Variants in NFIX observed in about 807,000 individuals in gnomAD.
The protein encoded by NFIX is nuclear factor 1 X-type.
Under a neutral mutation model 53.3 loss-of-function variants are expected in NFIX, and 2 were observed. The observed-to-expected ratio is 0.04, with a 90% CI of 0.02 to 0.12. The LOEUF is 0.12. Ranked by LOEUF, NFIX falls within the 10% of genes least tolerant of loss-of-function variation. The probability of loss-of-function intolerance (pLI) is 1.00; values close to 1 mark genes in which losing one functional copy is unlikely to be tolerated. For missense variants in NFIX, 310 were observed against 674.5 expected (o/e 0.46, Z 5.99); for synonymous variants, 244 against 289.0 (o/e 0.84, Z 1.58).
chr19:13,087,628 A>G (rs776745375), intron 8 of NFIX, among the ~76,000 whole-genome samples: 28 of 151,884 alleles, frequency 1.8e-4, no homozygotes, highest in Non-Finnish European at 3.7e-4. Flanking sequence ...GCTGTAGGAG[A>G]TGGTCTTCAG....
chr19:13,047,655 T>G (rs919843225), intron 2 of NFIX, among the ~76,000 whole-genome samples: 3 of 151,976 alleles, frequency 2.0e-5, no homozygotes, highest in African/African-American at 4.8e-5. Flanking sequence ...TTGCTCAGGG[T>G]GAGGAGTGTG....
chr19:13,090,333 G>A lies in NFIX; in HGVS notation c.1437G>A (p.Arg479=). The A allele has an allele frequency of 6.2e-7, 1 of 1,613,966 alleles. No homozygotes were observed. The highest frequency in any genetic ancestry group is 8.5e-7 in the Non-Finnish European group (1 of 1,179,880). ...FATTGASSAN[R]FVSIGPRDGN... ...CGACAGGCGCCTCCTCTGCCAACCGGTTTGTCAGCATCGGACCCCGGGACG... is the reference window on the plus strand; with the variant it reads ...CGACAGGCGCCTCCTCTGCCAACCGATTTGTCAGCATCGGACCCCGGGACG... The change falls in exon 10 of 11, where the codon CGG becomes CGA. Residue 479 remains arginine (R), a synonymous_variant. Coordinates refer to ENST00000592199, the MANE Select transcript of NFIX (RefSeq NM_001365902.3). The surrounding 1 kb of genome is among the most constrained non-coding windows in gnomAD (Gnocchi z 6.6).
intron 1 of NFIX, among the ~76,000 whole-genome samples, chr19:13,018,335 CGG>C (rs59494074): frequency 0.14 from 1,565 of 11,232 alleles, 148 homozygotes; most frequent in African/African-American, 0.25. Flanking sequence ...AAGGAAGGGG[CGG>C]GGGGGGGGGG....
chr19:13,026,623 C>A (rs2013372219), intron 2 of NFIX, among the ~76,000 whole-genome samples: 2 of 152,150 alleles, frequency 1.3e-5, no homozygotes, highest in African/African-American at 2.4e-5. Context: ...CAATTTACTG[C>A]CGCCTTTGAA....
chr19:13,020,955 C>T (rs1177608702), intron 1 of NFIX, among the ~76,000 whole-genome samples: 1 of 152,100 alleles, frequency 6.6e-6, no homozygotes, highest in East Asian at 1.9e-4. Context: ...TACTGTGGCA[C>T]TGTGGTCTGT....
chr19:13,097,335 C>G lies in NFIX; in HGVS notation c.*2686C>G, dbSNP rs2018523598. 6.6e-6 allele frequency: 1 copy of G among 151,924 alleles called. No individual in the cohort carries two copies. Among genetic ancestry groups the G allele is most frequent in the African/African-American group, 2.4e-5 (1 of 41,210 alleles). 9.4% of individuals were successfully genotyped at this position (151,924 alleles called of 1,614,324 possible). On this transcript the variant is annotated 3_prime_UTR_variant, in exon 11 of 11. Coordinates refer to ENST00000592199, the MANE Select transcript of NFIX (RefSeq NM_001365902.3). ...AAAAACACCTCGACATTTAAAAAATCAACCAACACAAGATCAAAAAGGAAA... is the reference window on the plus strand; with the variant it reads ...AAAAACACCTCGACATTTAAAAAATGAACCAACACAAGATCAAAAAGGAAA...
rs2018537724 is a variant in NFIX, at chr19:13,097,636, C to CG, written c.*2990dup. On this transcript the variant is annotated 3_prime_UTR_variant, in exon 11 of 11. Transcript: ENST00000592199. The stretch of plus-strand genomic sequence containing the variant: ...CACCCCTCCTCGCCCCATCCCCGTC[C>CG]GGGTACGGGGGCGCGGCAGGGGTCC... 6.6e-6 allele frequency: 1 copy of CG among 152,158 alleles called. No individual in the cohort carries two copies. The highest frequency in any genetic ancestry group is 1.5e-5 in the Non-Finnish European group (1 of 67,952). 9.4% of individuals were successfully genotyped at this position (152,158 alleles called of 1,614,324 possible). A position where few individuals can be genotyped will look rare whatever the true frequency, so the allele number is the denominator to read the frequency against.
In NFIX at chr19:13,094,166, G is replaced by A. The variant is rs2018304966; in HGVS notation, c.1495-469G>A. On this transcript the variant is annotated intron_variant, in intron 10 of 10. Transcript: ENST00000592199. The surrounding 1 kb of genome is among the most constrained non-coding windows in gnomAD (Gnocchi z 4.3). ...GGGACCTTGGCTGGGGTATATAGAT[G>A]GGAATTTCTGCTTTTAATCCAAAGA... 6.6e-6 allele frequency among the ~76,000 whole-genome samples: 1 copy of A among 152,130 alleles called. No homozygotes were observed. Among genetic ancestry groups the A allele is most frequent in the Non-Finnish European group, 1.5e-5 (1 of 68,030 alleles).
At chr19:13,050,058 C>T (rs544871836) in intron 2 of NFIX, among the ~76,000 whole-genome samples, 126 of 152,270 alleles carry the variant, frequency 8.3e-4, no homozygotes, top group Middle Eastern at 3.4e-3. Flanking sequence ...TTTGGATTCT[C>T]TAGGGTATAT....
At position 13,006,762 on chromosome 19, in the gene NFIX, C is replaced by A. The variant is rs985245415; in HGVS notation, c.27+10898C>A. Among the ~76,000 whole-genome samples, 2 of 152,246 alleles carry A rather than the reference C, an allele frequency of 1.3e-5. No homozygotes were observed. Among genetic ancestry groups the A allele is most frequent in the Non-Finnish European group, 2.9e-5 (2 of 68,030 alleles). ...CCAGGGCCCCAGATTCTCTCCACCCCCAAAGCTCCAGGCTTGAGAGCTCTG... is the reference window on the plus strand; with the variant it reads ...CCAGGGCCCCAGATTCTCTCCACCCACAAAGCTCCAGGCTTGAGAGCTCTG... On this transcript the variant is annotated intron_variant, in intron 1 of 10. Coordinates refer to ENST00000592199, the MANE Select transcript of NFIX (RefSeq NM_001365902.3). This position sits in a 1 kb window ranked among gnomAD's most constrained non-coding sequence, Gnocchi z 5.6.
chr19:13,084,624 A>C (rs2017664077), intron 8 of NFIX, among the ~76,000 whole-genome samples: 1 of 152,146 alleles, frequency 6.6e-6, no homozygotes, highest in African/African-American at 2.4e-5. Context: ...GCTGTGTTTC[A>C]GGGAGAAGGA....
chr19:13,058,606 T>C (rs1036518355), intron 2 of NFIX, among the ~76,000 whole-genome samples: 3 of 149,676 alleles, frequency 2.0e-5, no homozygotes, highest in South Asian at 2.1e-4. Flanking sequence ...GCTAGGAGGG[T>C]CCTTAAGCCC....
At chr19:13,038,755 G>C (rs2014393968) in intron 2 of NFIX, among the ~76,000 whole-genome samples, 1 of 152,212 alleles carries the variant, frequency 6.6e-6, no homozygotes, top group African/African-American at 2.4e-5. Context: ...CATCGTTTCT[G>C]CTGGCCTCGG....
chr19:13,090,173 G>A lies in NFIX; in HGVS notation c.1403-126G>A, dbSNP rs1341216781. ...GCCCCTCTGGCCCATCCTTCCCACT[G>A]CCAGCCTAAACTCGGGCAGCATGGT... On this transcript the variant is annotated intron_variant, in intron 9 of 10. Transcript: ENST00000592199. This position sits in a 1 kb window ranked among gnomAD's most constrained non-coding sequence, Gnocchi z 6.6. 1 of 890,448 alleles carries A rather than the reference G, an allele frequency of 1.1e-6. No individual in the cohort carries two copies. The highest frequency in any genetic ancestry group is 2.5e-5 in the East Asian group (1 of 40,536). The allele number at this position is 890,448 out of a possible 1,614,324, so 55.2% of individuals were successfully genotyped here.
rs985487376 is a variant in NFIX at position 13,093,422 on chromosome 19, T to C, written c.1495-1213T>C. On this transcript the variant is annotated intron_variant, in intron 10 of 10. Coordinates refer to ENST00000592199, the MANE Select transcript of NFIX (RefSeq NM_001365902.3). The surrounding 1 kb of genome is among the most constrained non-coding windows in gnomAD (Gnocchi z 4.7). The stretch of plus-strand genomic sequence containing the variant: ...TCTTTTGAAAAGTTGGCAGATGAGC[T>C]GCCCTGGGCCCTCACCCTGACCCTA... Among the ~76,000 whole-genome samples, 1 of 152,252 alleles carries C rather than the reference T, an allele frequency of 6.6e-6. No homozygotes were observed. The highest frequency in any genetic ancestry group is 1.9e-4 in the East Asian group (1 of 5,204).
chr19:13,015,704 C>T (rs1487098822), intron 1 of NFIX, among the ~76,000 whole-genome samples: 1 of 152,166 alleles, frequency 6.6e-6, no homozygotes, highest in Non-Finnish European at 1.5e-5. Flanking sequence ...CTGTTTGTCC[C>T]CCATACATGC....
At position 13,021,136 on chromosome 19, in the gene NFIX, C is replaced by T. The variant is rs1461106231; in HGVS notation, c.28-3885C>T. ...ACTTTAGAAGGTAAAATTGTTTCCA[C>T]AAGGTGGAGAGGCAGGATTTGGTAC... On this transcript the variant is annotated intron_variant, in intron 1 of 10. Transcript: ENST00000592199. The surrounding 1 kb of genome is among the most constrained non-coding windows in gnomAD (Gnocchi z 4.2). Among the ~76,000 whole-genome samples, 2 of 152,158 alleles carry T rather than the reference C, an allele frequency of 1.3e-5. No homozygotes were observed. Among genetic ancestry groups the T allele is most frequent in the Non-Finnish European group, 2.9e-5 (2 of 68,036 alleles).
chr19:13,003,620 A>G (rs10413329), intron 1 of NFIX, among the ~76,000 whole-genome samples: 84,878 of 151,812 alleles, frequency 0.56, 23,881 homozygotes, highest in East Asian at 0.67. Context: ...GAGTGATTTC[A>G]CCCATTGGGA....
chr19:13,002,221 TCTCCTCCC>T lies in NFIX; in HGVS notation c.27+6374_27+6381del, dbSNP rs904164969. Among the ~76,000 whole-genome samples the T allele has an allele frequency of 3.7e-4, 55 of 147,596 alleles. No individual in the cohort carries two copies. The highest frequency in any genetic ancestry group is 6.1e-4 in the Admixed American group (9 of 14,866). ...TTTCTCTCTCTCTCTTTCCTCCCTC[TCTCCTCCC>T]CTCCTCCCCTCCTCCCGCTCCCTCT... On this transcript the variant is annotated intron_variant, in intron 1 of 10. Coordinates refer to ENST00000592199, the MANE Select transcript of NFIX (RefSeq NM_001365902.3). This position sits in a 1 kb window ranked among gnomAD's most constrained non-coding sequence, Gnocchi z 6.1.
Sources: gnomAD v4.1 joint callset for allele counts (sites outside exome capture counted in the v4.1 genomes callset) on GRCh38, gnomAD v4.1.1 for gene constraint, Gnocchi (gnomAD v3.1) non-coding constraint, MANE v1.5 for transcripts, NCBI Gene and HGNC (gene_info 2026-07-23, HGNC 2026-07-21) for gene names.